Variants in RHBDD1 observed in about 807,000 individuals in gnomAD.
RHBDD1 encodes the protein rhomboid-related protein 4.
In RHBDD1, 38 loss-of-function variants were observed where a neutral mutation model predicts 36.3. That is an observed-to-expected ratio of 1.05 (90% CI 0.81 to 1.37). The LOEUF (loss-of-function observed/expected upper bound fraction) is 1.37, where lower values mean the gene tolerates loss of function less well. Among genes scored for constraint, RHBDD1 ranks in the 40% most tolerant of loss-of-function variants. RHBDD1 has a pLI of 0.00. For missense variants in RHBDD1, 393 were observed against 377.6 expected (o/e 1.04, Z -0.34); for synonymous variants, 151 against 136.5 (o/e 1.11, Z -0.74).
chr2:226,982,434 T>G (rs1484099603), intron 8 of RHBDD1, among the ~76,000 whole-genome samples: 4 of 152,236 alleles, frequency 2.6e-5, no homozygotes, highest in Non-Finnish European at 5.9e-5. Flanking sequence ...TATATACTAA[T>G]CAGGCTTATG....
intron 5 of RHBDD1, among the ~76,000 whole-genome samples, chr2:226,886,502 G>A (rs1946218871): frequency 6.6e-6 from 1 of 152,174 alleles, no homozygotes; most frequent in Non-Finnish European, 1.5e-5. Context: ...CTGAGCAACT[G>A]GAGTAGGACA....
At chr2:226,904,318 G>C (rs1437051263) in intron 5 of RHBDD1, among the ~76,000 whole-genome samples, 1 of 148,562 alleles carries the variant, frequency 6.7e-6, no homozygotes, top group Non-Finnish European at 1.5e-5. Context: ...CCCAGCTCCT[G>C]CACCTGCCCA....
the RHBDD1 span, among the ~76,000 whole-genome samples, chr2:226,803,297 TG>T: frequency 2.0e-5 from 3 of 151,374 alleles, no homozygotes; most frequent in East Asian, 5.8e-4. Flanking sequence ...TAACAATAGT[TG>T]ATGACTAAAA....
At chr2:226,864,560 C>A (rs1253878809) in intron 3 of RHBDD1, 44 bp from the exon 4 acceptor site, 9 of 721,758 alleles carry the variant, frequency 1.2e-5, no homozygotes, top group African/African-American at 5.3e-5. Context: ...TATATATGTA[C>A]TAATTCTTAA....
chr2:226,810,612 C>T, the RHBDD1 span, among the ~76,000 whole-genome samples: 2 of 145,840 alleles, frequency 1.4e-5, no homozygotes, highest in Non-Finnish European at 3.0e-5. Context: ...ATTTACTACT[C>T]ATTAAGTGAA....
chr2:226,910,827 GGGA>G (rs1948467438), intron 7 of RHBDD1, among the ~76,000 whole-genome samples: 1 of 152,006 alleles, frequency 6.6e-6, no homozygotes, highest in African/African-American at 2.4e-5. Flanking sequence ...TTGGTCCTAC[GGGA>G]GGAGATCTGT....
chr2:226,949,793 CT>C lies in RHBDD1; in HGVS notation c.856+35445del, dbSNP rs150223855. On this transcript the variant is annotated intron_variant, in intron 8 of 8. Transcript: ENST00000392062. ...CTGCTCTCCTTGGCTTGCAGATGGC[CT>C]TTCCCCCGTGTCCTCCCATGCTCTT... Among the ~76,000 whole-genome samples the C allele has an allele frequency of 3.1e-3, 467 of 152,190 alleles. 7 individuals are homozygous for C. The East Asian group carries it at 0.049, about 16-fold the overall frequency.
intron 8 of RHBDD1, among the ~76,000 whole-genome samples, chr2:226,981,890 C>T (rs188630140): frequency 4.6e-5 from 7 of 152,294 alleles, no homozygotes; most frequent in Non-Finnish European, 7.4e-5. Context: ...CTCACTGCCA[C>T]GTATCTCATG....
intron 8 of RHBDD1, among the ~76,000 whole-genome samples, chr2:226,933,325 G>A (rs1950144843): frequency 6.6e-6 from 1 of 152,082 alleles, no homozygotes; most frequent in Non-Finnish European, 1.5e-5. Flanking sequence ...ATTTCCTGGA[G>A]TGGGTGCTGT....
At chr2:226,809,979 G>C in the RHBDD1 span, among the ~76,000 whole-genome samples, 1 of 152,078 alleles carries the variant, frequency 6.6e-6, no homozygotes. Context: ...TCATTGGTGG[G>C]ACACACAATT....
chr2:226,951,636 A>T (rs895741684), intron 8 of RHBDD1, among the ~76,000 whole-genome samples: 5 of 152,222 alleles, frequency 3.3e-5, no homozygotes, highest in African/African-American at 1.2e-4. Context: ...GAAATCCCAA[A>T]TGTTTTCCAA....
chr2:226,837,858 T>C (rs761289520), intron 1 of RHBDD1: 3 of 152,116 alleles, frequency 2.0e-5, no homozygotes, highest in African/African-American at 4.8e-5. Context: ...AGTTTTAGAG[T>C]TGAGAATTAT....
At chr2:226,917,002 G>C (rs1948953909) in intron 8 of RHBDD1, among the ~76,000 whole-genome samples, 1 of 152,172 alleles carries the variant, frequency 6.6e-6, no homozygotes, top group Non-Finnish European at 1.5e-5. Context: ...CAATTTTATA[G>C]ACTTGAATCT....
intron 3 of RHBDD1, among the ~76,000 whole-genome samples, chr2:226,846,528 C>A (rs1942237903): frequency 6.6e-6 from 1 of 151,928 alleles, no homozygotes; most frequent in Non-Finnish European, 1.5e-5. Context: ...TGGATCACCT[C>A]AGGTCAGGAG....
At chr2:226,939,263 T>G (rs1950526649) in intron 8 of RHBDD1, among the ~76,000 whole-genome samples, 1 of 152,144 alleles carries the variant, frequency 6.6e-6, no homozygotes, top group Admixed American at 6.5e-5. Flanking sequence ...AACATAGTAT[T>G]GGAAGTTCCG....
intron 8 of RHBDD1, among the ~76,000 whole-genome samples, chr2:226,915,360 A>C (rs1396603966): frequency 6.6e-6 from 1 of 152,190 alleles, no homozygotes; most frequent in African/African-American, 2.4e-5. Flanking sequence ...TTTTGAATGG[A>C]CAATAAGAGA....
chr2:226,824,071 A>C, the RHBDD1 span, among the ~76,000 whole-genome samples: 5 of 152,184 alleles, frequency 3.3e-5, no homozygotes, highest in African/African-American at 9.7e-5. Context: ...ATTATAATTG[A>C]TATACCTACA....
At chr2:226,915,115 T>TA (rs1157050060) in intron 8 of RHBDD1, among the ~76,000 whole-genome samples, 1 of 152,102 alleles carries the variant, frequency 6.6e-6, no homozygotes. Context: ...CTAGATGTGA[T>TA]ACCACACAGG....
At chr2:226,923,539 G>A (rs1359873819) in intron 8 of RHBDD1, among the ~76,000 whole-genome samples, 1 of 151,986 alleles carries the variant, frequency 6.6e-6, no homozygotes, top group Non-Finnish European at 1.5e-5. Flanking sequence ...TAACTGTCTT[G>A]TACTTGAATA....
Sources: allele counts gnomAD v4.1 joint callset (sites outside exome capture counted in the v4.1 genomes callset), GRCh38; gene constraint gnomAD v4.1.1; transcripts MANE v1.5; gene names NCBI Gene and HGNC (gene_info 2026-07-23, HGNC 2026-07-21).